VPS8: variants seen among roughly 807,000 people sequenced by gnomAD.
VPS8 encodes the protein VPS8 subunit of CORVET complex, also known as vacuolar protein sorting-associated protein 8 homolog.
In VPS8, 129 loss-of-function variants were observed where a neutral mutation model predicts 216.4. That is an observed-to-expected ratio of 0.60 (90% CI 0.52 to 0.69). The LOEUF (loss-of-function observed/expected upper bound fraction) is 0.69. Among genes scored for constraint, VPS8 ranks in the 30% least tolerant of loss-of-function variants. The pLI is 0.00. For missense variants in VPS8, 1,531 were observed against 1,683.5 expected, an observed-to-expected ratio of 0.91 and a Z score of 1.59; for synonymous variants, 571 against 565.4, an observed-to-expected ratio of 1.01 and a Z score of -0.14.
At chr3:184,949,859 T>C (rs150262163) in intron 36 of VPS8, among the ~76,000 whole-genome samples, 32 of 151,154 alleles carry the variant, frequency 2.1e-4, no homozygotes, top group Non-Finnish European at 1.3e-4. Flanking sequence ...GAATGACAAC[T>C]ATAGGGAAAA....
intron 14 of VPS8, among the ~76,000 whole-genome samples, chr3:184,858,577 G>A (rs972663983): frequency 3.9e-5 from 6 of 152,190 alleles, no homozygotes; most frequent in Admixed American, 2.0e-4. Context: ...ATGGTGGATC[G>A]AATTGCTCTC....
chr3:184,868,313 T>C (rs1341915010), intron 18 of VPS8: 1 of 411,716 alleles, frequency 2.4e-6, no homozygotes, highest in African/African-American at 2.0e-5. Flanking sequence ...TAAAAGCACC[T>C]GGAGCTAGGT....
At chr3:184,952,256 GATA>G (rs145847340) in intron 36 of VPS8, among the ~76,000 whole-genome samples, 1,722 of 152,250 alleles carry the variant, frequency 0.011, 40 homozygotes, top group African/African-American at 0.04. Context: ...TGATTCCTCT[GATA>G]ATAAGATAAA....
At chr3:184,925,105 C>T (rs1394824757) in intron 30 of VPS8, 124 bp downstream of exon 30, 2 of 1,344,266 alleles carry the variant, frequency 1.5e-6, no homozygotes, top group Non-Finnish European at 2.0e-6. Flanking sequence ...GAGGCCTGTT[C>T]AGGTTTTGGA....
intron 46 of VPS8, among the ~76,000 whole-genome samples, chr3:185,039,849 A>G (rs1255223731): frequency 6.6e-6 from 1 of 152,164 alleles, no homozygotes; most frequent in African/African-American, 2.4e-5. Context: ...CCAGTCAGCC[A>G]TGTTGCTTCT....
chr3:184,833,284 G>T (rs2108552215), intron 4 of VPS8, among the ~76,000 whole-genome samples: 1 of 152,174 alleles, frequency 6.6e-6, no homozygotes, highest in Middle Eastern at 3.4e-3. Flanking sequence ...CTTAAATTTG[G>T]GCTGCTTTTC....
intron 25 of VPS8, among the ~76,000 whole-genome samples, chr3:184,905,978 G>C (rs1453237917): frequency 6.6e-6 from 1 of 152,040 alleles, no homozygotes; most frequent in African/African-American, 2.4e-5. Context: ...CACAATATAT[G>C]TATCAGAAGC....
At chr3:184,970,173 A>G (rs1250814472) in intron 39 of VPS8, among the ~76,000 whole-genome samples, 3 of 152,064 alleles carry the variant, frequency 2.0e-5, no homozygotes, top group South Asian at 2.1e-4. Flanking sequence ...CGGCCTCCCA[A>G]AGTGCTGGGA....
At chr3:184,952,492 T>TA (rs1170515631) in intron 36 of VPS8, among the ~76,000 whole-genome samples, 1 of 151,998 alleles carries the variant, frequency 6.6e-6, no homozygotes, top group Non-Finnish European at 1.5e-5. Context: ...GTGGCCATTC[T>TA]ACGGGCTGGG....
At chr3:184,870,563 A>G (rs1728145754) in intron 20 of VPS8, among the ~76,000 whole-genome samples, 153 bp from the exon 21 acceptor site, 1 of 152,234 alleles carries the variant, frequency 6.6e-6, no homozygotes, top group Admixed American at 6.5e-5. Flanking sequence ...AAATGAGGCT[A>G]GAGTTTTAAA....
chr3:184,818,737 T>A (rs1028207630), intron 1 of VPS8, among the ~76,000 whole-genome samples: 21 of 152,206 alleles, frequency 1.4e-4, no homozygotes, highest in African/African-American at 5.1e-4. Flanking sequence ...CATTATATAG[T>A]AAATAAAAAC....
intron 26 of VPS8, 140 bp downstream of exon 26, chr3:184,913,701 A>G (rs1198396168): frequency 1.5e-6 from 1 of 662,586 alleles, no homozygotes; most frequent in East Asian, 3.3e-5. Flanking sequence ...GTTCTCAACC[A>G]TGGATAATTT....
At chr3:184,935,760 A>C (rs927704849) in intron 34 of VPS8, among the ~76,000 whole-genome samples, 6 of 152,228 alleles carry the variant, frequency 3.9e-5, no homozygotes, top group African/African-American at 1.4e-4. Context: ...TTTTACTCTC[A>C]TATAAAATTT....
At chr3:185,029,919 T>C (rs1234654851) in intron 46 of VPS8, among the ~76,000 whole-genome samples, 1 of 152,232 alleles carries the variant, frequency 6.6e-6, no homozygotes, top group African/African-American at 2.4e-5. Context: ...TTACAAAAGC[T>C]TTAAATTGGC....
intron 18 of VPS8, 116 bp downstream of exon 18, chr3:184,868,175 C>A: frequency 9.2e-7 from 1 of 1,091,938 alleles, no homozygotes; most frequent in Non-Finnish European, 1.3e-6. Flanking sequence ...CAGAAGTGTA[C>A]AAGAAAACCA....
intron 46 of VPS8, among the ~76,000 whole-genome samples, chr3:185,031,071 T>TG (rs1361516915): frequency 7.0e-6 from 1 of 142,496 alleles, no homozygotes; most frequent in African/African-American, 2.7e-5. Context: ...GCGTTTTTTT[T>TG]TTTTTTTTTT....
chr3:184,929,008 C>G (rs1464354186), intron 32 of VPS8, among the ~76,000 whole-genome samples: 2 of 151,996 alleles, frequency 1.3e-5, no homozygotes, highest in Admixed American at 6.6e-5. Flanking sequence ...CTAACATATT[C>G]ACTATTTCTT....
At chr3:184,823,402 C>T (rs1434028284) in intron 1 of VPS8, among the ~76,000 whole-genome samples, 1 of 152,136 alleles carries the variant, frequency 6.6e-6, no homozygotes, top group Non-Finnish European at 1.5e-5. Flanking sequence ...CCTTCACTAA[C>T]ATGCACAATC....
intron 25 of VPS8, among the ~76,000 whole-genome samples, chr3:184,904,919 T>TA (rs1034290722): frequency 2.6e-5 from 4 of 152,194 alleles, no homozygotes; most frequent in African/African-American, 7.2e-5. Context: ...GGGTAATTTA[T>TA]AAAAAACACA....
Sources: gnomAD v4.1 joint callset for allele counts (sites outside exome capture counted in the v4.1 genomes callset) on GRCh38, gnomAD v4.1.1 for gene constraint, MANE v1.5 for transcripts, NCBI Gene and HGNC (gene_info 2026-07-23, HGNC 2026-07-21) for gene names.